The following PDZD8 variants were observed in gnomAD, a reference collection of about 807,000 sequenced individuals.
PDZD8 encodes PDZ domain-containing protein 8.
A neutral mutation model predicts 85.8 loss-of-function variants in PDZD8; 14 were observed. The ratio of observed to expected loss-of-function variants is 0.16; its 90% CI spans 0.11 to 0.26. The LOEUF is 0.26. Among genes scored for constraint, PDZD8 ranks in the 10% least tolerant of loss-of-function variants. The pLI is 1.00. For synonymous variants in PDZD8, 592 were observed against 568.6 expected (o/e 1.04, Z -0.59); for missense variants, 1,197 against 1,424.3 (o/e 0.84, Z 2.57).
intron 3 of PDZD8, among the ~76,000 whole-genome samples, chr10:117,300,065 C>T (rs1028039192): frequency 6.6e-6 from 1 of 151,898 alleles, no homozygotes; most frequent in Non-Finnish European, 1.5e-5. Context: ...ATGAGAAACC[C>T]CCCCCATGTC....
chr10:117,284,054 T>C lies in PDZD8; in HGVS notation c.2679A>G (p.Ala893=). 6.2e-7 allele frequency: 1 copy of C among 1,614,216 alleles called. No individual in the cohort carries two copies. The highest frequency in any genetic ancestry group is 8.5e-7 in the Non-Finnish European group (1 of 1,180,042). ...GTGTCCTGTCTATTCGCCTATCAGT[T>C]GCTCCACAAACAGAAGTCTCAGCTA... ...KCLAETSVCG[A]TDRRIDRTLK... is the part of the protein sequence containing the mutation. Residue 893 remains alanine, a synonymous_variant, in exon 5 of 5, where the codon GCA becomes GCG. Coordinates refer to ENST00000334464, the MANE Select transcript of PDZD8 (RefSeq NM_173791.5).
chr10:117,326,312 C>A (rs1844315369), intron 2 of PDZD8, among the ~76,000 whole-genome samples: 2 of 152,148 alleles, frequency 1.3e-5, no homozygotes, highest in Admixed American at 1.3e-4. Flanking sequence ...AAGTTTCATG[C>A]CTAATGTGTG....
intron 4 of PDZD8, among the ~76,000 whole-genome samples, chr10:117,288,417 G>A (rs1844704005): frequency 6.6e-6 from 1 of 151,840 alleles, no homozygotes; most frequent in Non-Finnish European, 1.5e-5. Context: ...AACAAAAAAA[G>A]AGACATACAA....
At chr10:117,319,118 T>C in intron 2 of PDZD8, 144 bp from the exon 3 acceptor site, 1 of 625,432 alleles carries the variant, frequency 1.6e-6, no homozygotes, top group Non-Finnish European at 2.8e-6. Flanking sequence ...AAGTCAAATA[T>C]TTTATACACC....
At chr10:117,360,368 C>T (rs10787769) in intron 1 of PDZD8, among the ~76,000 whole-genome samples, 1 of 152,008 alleles carries the variant, frequency 6.6e-6, no homozygotes, top group Non-Finnish European at 1.5e-5. Flanking sequence ...GGCCTATGAT[C>T]AATTAAATCA....
chr10:117,293,823 T>TA (rs1212246026), intron 3 of PDZD8, among the ~76,000 whole-genome samples: 1 of 152,084 alleles, frequency 6.6e-6, no homozygotes, highest in East Asian at 1.9e-4. Context: ...ATGAAACAAA[T>TA]ATCAGTAATT....
chr10:117,356,901 T>C (rs953527218), intron 1 of PDZD8, among the ~76,000 whole-genome samples: 3 of 152,212 alleles, frequency 2.0e-5, no homozygotes, highest in African/African-American at 7.2e-5. Flanking sequence ...TAGAATCTTT[T>C]ATCTTTCAAA....
chr10:117,302,745 C>T (rs998360352), intron 3 of PDZD8, among the ~76,000 whole-genome samples: 1 of 152,132 alleles, frequency 6.6e-6, no homozygotes, highest in Non-Finnish European at 1.5e-5. Context: ...TCAAGAGGGC[C>T]AGTCTTTCCT....
At chr10:117,342,950 C>A (rs891034759) in intron 1 of PDZD8, among the ~76,000 whole-genome samples, 6 of 152,210 alleles carry the variant, frequency 3.9e-5, no homozygotes, top group African/African-American at 1.2e-4. Context: ...AAATCCTCCC[C>A]TCTTTCGCAC....
intron 1 of PDZD8, among the ~76,000 whole-genome samples, chr10:117,356,522 C>A (rs1844897765): frequency 6.6e-6 from 1 of 152,196 alleles, no homozygotes; most frequent in Non-Finnish European, 1.5e-5. Flanking sequence ...GGTACACTCA[C>A]ATCCAGGCCC....
intron 2 of PDZD8, among the ~76,000 whole-genome samples, chr10:117,333,559 AT>A (rs370147452): frequency 7.2e-5 from 11 of 152,244 alleles, no homozygotes; most frequent in African/African-American, 2.7e-4. Flanking sequence ...TCAAGCCAAA[AT>A]AACCAAACAA....
intron 2 of PDZD8, among the ~76,000 whole-genome samples, chr10:117,333,023 G>A (rs1214574580): frequency 1.4e-5 from 2 of 145,438 alleles, no homozygotes; most frequent in Admixed American, 7.2e-5. Context: ...AGAAGCTGAG[G>A]CAGGAGAATC....
Position 117,305,461 on chromosome 10 carries a change from T to TACACACACAC in PDZD8, c.1098+13410_1098+13411insGTGTGTGTGT, listed in dbSNP as rs1447021036. Among the ~76,000 whole-genome samples the TACACACACAC allele has an allele frequency of 9.1e-5, 5 of 55,192 alleles. No individual in the cohort carries two copies. The East Asian group carries it at 1.5e-3, about 17-fold the overall frequency. The allele number at this position is 55,192 out of a possible 152,430, so 36.2% of individuals were successfully genotyped here. A position where few individuals can be genotyped will look rare whatever the true frequency, so the allele number is the denominator to read the frequency against. The stretch of plus-strand genomic sequence containing the variant: ...AAATACACACACACACACACATATA[T>TACACACACAC]ACACACACATACACACACACACACA... On this transcript the variant is annotated intron_variant, in intron 3 of 4. Transcript: ENST00000334464.
chr10:117,335,569 A>G (rs979255127), intron 2 of PDZD8, among the ~76,000 whole-genome samples: 2 of 152,196 alleles, frequency 1.3e-5, no homozygotes, highest in African/African-American at 4.8e-5. Context: ...AAGCATGTTA[A>G]TACTCTATGT....
intron 3 of PDZD8, among the ~76,000 whole-genome samples, chr10:117,290,684 A>G (rs1216122815): frequency 1.3e-5 from 2 of 152,102 alleles, no homozygotes; most frequent in Non-Finnish European, 2.9e-5. Flanking sequence ...ACTATTCTAT[A>G]TATTTTCTAA....
intron 3 of PDZD8, among the ~76,000 whole-genome samples, chr10:117,318,661 G>A (rs1057267192): frequency 5.9e-5 from 9 of 152,112 alleles, no homozygotes; most frequent in African/African-American, 2.2e-4. Flanking sequence ...GTCGGACTAG[G>A]TTTCTTGTGC....
chr10:117,311,917 C>A (rs75756463), intron 3 of PDZD8, among the ~76,000 whole-genome samples: 2,622 of 151,748 alleles, frequency 0.017, 64 homozygotes, highest in African/African-American at 0.059. Flanking sequence ...CCTGTCCTGT[C>A]AGAAGCATGG....
At position 117,280,590 on chromosome 10, in the gene PDZD8, A is replaced by T. The variant is rs922528440; in HGVS notation, c.*2678T>A. ...AATGTAATATAATACAGCTTTTTTC[A>T]TTGAAGCTTTGTACCTTACTATACT... On this transcript the variant is annotated 3_prime_UTR_variant, in exon 5 of 5. Transcript: ENST00000334464. 1 of 152,114 alleles carries T rather than the reference A, an allele frequency of 6.6e-6. No homozygotes were observed. The highest frequency in any genetic ancestry group is 1.5e-5 in the Non-Finnish European group (1 of 68,004). 9.4% of individuals were successfully genotyped at this position (152,114 alleles called of 1,614,324 possible). A position where few individuals can be genotyped will look rare whatever the true frequency, so the allele number is the denominator to read the frequency against.
intron 2 of PDZD8, among the ~76,000 whole-genome samples, chr10:117,320,243 C>G (rs1844206508): frequency 6.6e-6 from 1 of 152,094 alleles, no homozygotes; most frequent in African/African-American, 2.4e-5. Context: ...AATTTACATT[C>G]ATTAAAGCTC....
Sources: allele counts gnomAD v4.1 joint callset (sites outside exome capture counted in the v4.1 genomes callset), GRCh38; gene constraint gnomAD v4.1.1; transcripts MANE v1.5; gene names NCBI Gene and HGNC (gene_info 2026-07-23, HGNC 2026-07-21).